Variants in RAB3GAP2 observed in about 807,000 individuals in gnomAD.
The protein encoded by RAB3GAP2 is RAB3 GTPase activating non-catalytic protein subunit 2, also known as rab3 GTPase-activating protein non-catalytic subunit.
Under a neutral mutation model 185.3 loss-of-function variants are expected in RAB3GAP2, and 87 were observed. The observed-to-expected ratio is 0.47, with a 90% CI of 0.39 to 0.56. The LOEUF (loss-of-function observed/expected upper bound fraction) is 0.56. RAB3GAP2 is among the 20% of genes least tolerant of loss of function. The pLI, the probability that RAB3GAP2 is intolerant of heterozygous loss-of-function variation, is 0.00. For missense variants in RAB3GAP2, 1,492 were observed against 1,638.2 expected (o/e 0.91, Z 1.54); for synonymous variants, 554 against 576.1 (o/e 0.96, Z 0.55).
intron 7 of RAB3GAP2, among the ~76,000 whole-genome samples, chr1:220,209,762 T>C (rs1659043918): frequency 6.6e-6 from 1 of 152,202 alleles, no homozygotes. Context: ...GGAAGGCATA[T>C]TACATAGTTT....
intron 31 of RAB3GAP2, chr1:220,154,262 T>C (rs1657816925): frequency 1.4e-5 from 9 of 661,234 alleles, no homozygotes; most frequent in Non-Finnish European, 2.1e-5. Context: ...CTCCTCCTGG[T>C]ATTCGTGTTT....
chr1:220,228,210 G>C (rs1659438046), intron 2 of RAB3GAP2, among the ~76,000 whole-genome samples: 1 of 152,144 alleles, frequency 6.6e-6, no homozygotes, highest in Non-Finnish European at 1.5e-5. Flanking sequence ...TAATAAGAGA[G>C]AGTAAAAGGT....
intron 1 of RAB3GAP2, among the ~76,000 whole-genome samples, chr1:220,248,887 C>T (rs959768641): frequency 1.3e-5 from 2 of 152,166 alleles, no homozygotes; most frequent in Non-Finnish European, 2.9e-5. Context: ...CATTCTCCTT[C>T]CTGCCACCAT....
chr1:220,242,857 G>A (rs549710013), intron 1 of RAB3GAP2, among the ~76,000 whole-genome samples: 117 of 152,162 alleles, frequency 7.7e-4, no homozygotes, highest in African/African-American at 2.8e-3. Context: ...GCAAATGCAG[G>A]CACTTAGATG....
intron 1 of RAB3GAP2, among the ~76,000 whole-genome samples, chr1:220,269,279 C>G (rs533002306): frequency 1.3e-5 from 2 of 152,202 alleles, no homozygotes; most frequent in African/African-American, 4.8e-5. Flanking sequence ...GGTTTAACAA[C>G]AAAAAAGAGC....
chr1:220,270,422 GTGTTCAACCAGA>G (rs957835248), intron 1 of RAB3GAP2, among the ~76,000 whole-genome samples: 8 of 152,290 alleles, frequency 5.3e-5, no homozygotes, highest in African/African-American at 1.9e-4. Context: ...TCTATATCTG[GTGTTCAACCAGA>G]TGTCCTTACT....
Position 220,239,657 on chromosome 1 carries a change from T to C in RAB3GAP2, c.116-6794A>G, listed in dbSNP as rs182835737. ...AGCTTTAGTTTTGATTATGAAATAA[T>C]AGGAATAGTATAGTATTTTGTTTGA... is the stretch of plus-strand genomic sequence containing the variant. On this transcript the variant is annotated intron_variant, in intron 1 of 34. Transcript: ENST00000358951. 1.1e-4 allele frequency among the ~76,000 whole-genome samples: 17 copies of C among 152,286 alleles called. No homozygotes were observed. In the East Asian group the frequency reaches 2.7e-3, roughly 24 times the overall value.
At position 220,182,325 on chromosome 1, in the gene RAB3GAP2, C is replaced by T; in HGVS notation, c.2242G>A (p.Gly748Arg). The T allele has an allele frequency of 6.2e-7, 1 of 1,613,950 alleles. No individual in the cohort carries two copies. The highest frequency in any genetic ancestry group is 8.5e-7 in the Non-Finnish European group (1 of 1,179,926). Residue 748 changes from glycine (G) to arginine (R), a missense_variant, in exon 21 of 35, where the codon GGA becomes AGA. Physicochemically the swap from Gly to Arg is moderately radical, Grantham distance 125. Coordinates refer to ENST00000358951, the MANE Select transcript of RAB3GAP2 (RefSeq NM_012414.4). Reference protein sequence around the residue: ...GSFFFWKCLHGESSTEDMCHT... With the variant: ...GSFFFWKCLHRESSTEDMCHT... ...CACATATCCTCAGTGGAGCTTTCTC[C>T]ATGCAAACACTTCCAAAAAAAGAAA...
chr1:220,215,580 T>C (rs1000073987), intron 2 of RAB3GAP2, among the ~76,000 whole-genome samples: 3 of 152,202 alleles, frequency 2.0e-5, no homozygotes, highest in African/African-American at 7.2e-5. Context: ...CCTGTTGGGT[T>C]GATGCTCTTT....
At chr1:220,240,726 T>A (rs1208974394) in intron 1 of RAB3GAP2, among the ~76,000 whole-genome samples, 1 of 152,258 alleles carries the variant, frequency 6.6e-6, no homozygotes, top group Non-Finnish European at 1.5e-5. Flanking sequence ...AGCAACTGCA[T>A]CCTCATTGAT....
intron 12 of RAB3GAP2, among the ~76,000 whole-genome samples, chr1:220,194,486 G>C (rs558626499): frequency 6.6e-6 from 1 of 151,840 alleles, no homozygotes; most frequent in Non-Finnish European, 1.5e-5. Context: ...TCTGCCTCCC[G>C]GGTTTGAGCA....
chr1:220,179,329 T>G (rs895258636), intron 21 of RAB3GAP2, among the ~76,000 whole-genome samples: 1 of 143,742 alleles, frequency 7.0e-6, no homozygotes. Flanking sequence ...GATCTAACAA[T>G]AGTAAGTATA....
rs1658183534 is a variant in RAB3GAP2 at position 220,171,835 on chromosome 1, TC to T, written c.2577+53del. ...CGAAAAACCCCAGAAAAGGAAAGCA[TC>T]CCCTTAGCCTACTGGATGTGTACAG... On this transcript the variant is annotated intron_variant, in intron 23 of 34. Coordinates refer to ENST00000358951, the MANE Select transcript of RAB3GAP2 (RefSeq NM_012414.4). 3 of 1,608,496 alleles carry T rather than the reference TC, an allele frequency of 1.9e-6. No homozygotes were observed. In the South Asian group the frequency reaches 3.3e-5, roughly 18 times the overall value.
At chr1:220,176,117 G>A (rs2102861790) in intron 21 of RAB3GAP2, among the ~76,000 whole-genome samples, 1 of 152,174 alleles carries the variant, frequency 6.6e-6, no homozygotes, top group Non-Finnish European at 1.5e-5. Flanking sequence ...TATAACAGGA[G>A]AAGAGTCTAG....
Position 220,235,755 on chromosome 1 carries a change from T to C in RAB3GAP2, c.116-2892A>G, listed in dbSNP as rs149709974. 7.2e-4 allele frequency among the ~76,000 whole-genome samples: 109 copies of C among 152,214 alleles called. No individual in the cohort carries two copies. The East Asian group carries it at 0.014, about 20-fold the overall frequency. On this transcript the variant is annotated intron_variant, in intron 1 of 34. Coordinates refer to ENST00000358951, the MANE Select transcript of RAB3GAP2 (RefSeq NM_012414.4). ...TTCACAAATGACTCATATAAGCAAA[T>C]AGAAGACAGCAGTAATTTGGATTTC...
intron 1 of RAB3GAP2, among the ~76,000 whole-genome samples, chr1:220,257,585 G>C (rs919179121): frequency 6.6e-6 from 1 of 152,078 alleles, no homozygotes; most frequent in Non-Finnish European, 1.5e-5. Context: ...AGTGTTAAGA[G>C]GGAAACTTAC....
In RAB3GAP2 at chr1:220,191,207, A is replaced by G. The variant is rs559461371; in HGVS notation, c.1348T>C (p.Ser450Pro). Reference sequence around the variant, plus strand: ...GGACCCTGAGAATTTCCAAAGGGGGAAAAATCTGCCTTTTCTGGCACTCTT... The same window carrying G: ...GGACCCTGAGAATTTCCAAAGGGGGGAAAATCTGCCTTTTCTGGCACTCTT... ...HERVPEKADF[S>P]PFGNSQGPSR... The change falls in exon 14 of 35, where the codon TCC becomes CCC. Residue 450 changes from serine to proline, a missense_variant. Ser to Pro is a moderately conservative substitution (Grantham distance 74, BLOSUM62 -1). This residue lies in a region of RAB3GAP2 where 681 missense variants were observed against 689.1 expected (regional missense o/e 0.99). Coordinates refer to ENST00000358951, the MANE Select transcript of RAB3GAP2 (RefSeq NM_012414.4). 9.9e-6 allele frequency: 16 copies of G among 1,613,908 alleles called. No individual in the cohort carries two copies. In the East Asian group the frequency reaches 3.6e-4, roughly 36 times the overall value.
chr1:220,260,309 A>T (rs1016760605), intron 1 of RAB3GAP2, among the ~76,000 whole-genome samples: 4 of 142,152 alleles, frequency 2.8e-5, no homozygotes, highest in African/African-American at 1.1e-4. Flanking sequence ...CTGCAGCACT[A>T]TTCACAATAC....
chr1:220,187,356 C>T (rs983438260), intron 17 of RAB3GAP2, among the ~76,000 whole-genome samples: 1 of 152,086 alleles, frequency 6.6e-6, no homozygotes, highest in African/African-American at 2.4e-5. Flanking sequence ...GTCTTTGACC[C>T]CCCATTTCTG....
Sources: gnomAD v4.1 joint callset for allele counts (sites outside exome capture counted in the v4.1 genomes callset) on GRCh38, gnomAD v4.1.1 for gene constraint, gnomAD v4.1.1 regional missense constraint, MANE v1.5 for transcripts, NCBI Gene and HGNC (gene_info 2026-07-23, HGNC 2026-07-21) for gene names.